Variants in PRSS3 observed in about 807,000 individuals in gnomAD.
PRSS3 encodes the protein trypsin-3.
A neutral mutation model predicts 20.8 loss-of-function variants in PRSS3; 14 were observed. The ratio of observed to expected loss-of-function variants is 0.67; its 90% CI spans 0.44 to 1.05. The LOEUF is 1.05. PRSS3 is among the 50% of genes least tolerant of loss of function. The pLI, the probability that PRSS3 is intolerant of heterozygous loss-of-function variation, is 0.00. For missense variants in PRSS3, 237 were observed against 306.4 expected, an observed-to-expected ratio of 0.77 and a Z score of 1.69; for synonymous variants, 91 against 117.6, an observed-to-expected ratio of 0.77 and a Z score of 1.46.
intron 1 of PRSS3, among the ~76,000 whole-genome samples, chr9:33,763,298 T>C (rs1823282532): frequency 6.6e-6 from 1 of 152,232 alleles, no homozygotes; most frequent in South Asian, 2.1e-4. Context: ...ATAATGTCTG[T>C]TTGATTTTAC....
At chr9:33,758,927 A>G (rs1336652492) in intron 1 of PRSS3, among the ~76,000 whole-genome samples, 1 of 152,184 alleles carries the variant, frequency 6.6e-6, no homozygotes, top group Non-Finnish European at 1.5e-5. Context: ...TCTGTAGACT[A>G]ATGGGCAAGA....
At chr9:33,771,645 G>GTTTTTTTT (rs112204565) in intron 1 of PRSS3, among the ~76,000 whole-genome samples, 9 of 78,694 alleles carry the variant, frequency 1.1e-4, no homozygotes, top group Non-Finnish European at 1.7e-4. Flanking sequence ...TTGTTTTTTT[G>GTTTTTTTT]TTTTTTTTTT....
chr9:33,791,846 A>G (rs1824645880), upstream of PRSS3, among the ~76,000 whole-genome samples: 1 of 152,232 alleles, frequency 6.6e-6, no homozygotes, highest in Admixed American at 6.5e-5. Flanking sequence ...AAGAATAAAC[A>G]GAACTATAAA....
At chr9:33,771,053 C>G (rs1479452573) in intron 1 of PRSS3, among the ~76,000 whole-genome samples, 2 of 152,108 alleles carry the variant, frequency 1.3e-5, no homozygotes, top group Non-Finnish European at 2.9e-5. Context: ...ACAGGACAGC[C>G]CCACAACAAA....
intron 1 of PRSS3, among the ~76,000 whole-genome samples, chr9:33,782,840 C>G (rs1824239897): frequency 6.6e-6 from 1 of 152,092 alleles, no homozygotes; most frequent in African/African-American, 2.4e-5. Context: ...ATCATCTACC[C>G]CATGAGCCAG....
chr9:33,751,345 C>G (rs1189174228), intron 1 of PRSS3, among the ~76,000 whole-genome samples: 3 of 152,294 alleles, frequency 2.0e-5, no homozygotes, highest in Admixed American at 2.0e-4. Flanking sequence ...CGATCCAGTG[C>G]TTAGCTTCCG....
chr9:33,774,969 A>G (rs1216889574), intron 1 of PRSS3, among the ~76,000 whole-genome samples: 2 of 152,032 alleles, frequency 1.3e-5, no homozygotes, highest in African/African-American at 4.8e-5. Flanking sequence ...CTGAGCAACA[A>G]GAGCGAAACT....
chr9:33,751,637 C>T (rs1283623702), intron 1 of PRSS3, among the ~76,000 whole-genome samples: 1 of 152,176 alleles, frequency 6.6e-6, no homozygotes, highest in Non-Finnish European at 1.5e-5. Flanking sequence ...CCTCCCGCAC[C>T]TTTTTGTCTC....
At chr9:33,772,472 C>G in intron 1 of PRSS3, among the ~76,000 whole-genome samples, 1 of 152,164 alleles carries the variant, frequency 6.6e-6, no homozygotes, top group Non-Finnish European at 1.5e-5. Flanking sequence ...TCAAGAATGA[C>G]CTAATGGCTT....
At chr9:33,785,220 C>A (rs1226774405) in intron 1 of PRSS3, among the ~76,000 whole-genome samples, 2 of 116,726 alleles carry the variant, frequency 1.7e-5, no homozygotes, top group Admixed American at 1.1e-4. Flanking sequence ...CTCTGTCGCC[C>A]AGGCTGGAGT....
In PRSS3 at chr9:33,750,697, G is replaced by A. The variant is rs1462018743; in HGVS notation, c.-83G>A. On this transcript the variant is annotated 5_prime_UTR_variant, in exon 1 of 6. Coordinates refer to the PRSS3 transcript ENST00000342836. The surrounding 1 kb of genome is among the most constrained non-coding windows in gnomAD (Gnocchi z 4.8). ...TGGACGCACTTGGCGAGCGGCGCGG[G>A]ATGCAGACGGCTGCGAGGCGCTGGG... 1.4e-6 allele frequency: 2 copies of A among 1,449,434 alleles called. No homozygotes were observed. Among genetic ancestry groups the A allele is most frequent in the Non-Finnish European group, 1.8e-6 (2 of 1,106,832 alleles). 89.8% of individuals were successfully genotyped at this position (1,449,434 alleles called of 1,614,324 possible). A position where few individuals can be genotyped will look rare whatever the true frequency, so the allele number is the denominator to read the frequency against.
chr9:33,794,554 C>T (rs1824806893), upstream of PRSS3, among the ~76,000 whole-genome samples: 1 of 152,228 alleles, frequency 6.6e-6, no homozygotes, highest in Non-Finnish European at 1.5e-5. Context: ...CACCCCTCCA[C>T]ATCTTCTTAT....
chr9:33,779,505 G>C (rs1008355653), intron 1 of PRSS3, among the ~76,000 whole-genome samples: 11 of 152,162 alleles, frequency 7.2e-5, no homozygotes, highest in Non-Finnish European at 1.5e-4. Context: ...GCTGAGGAAA[G>C]AATCTCAGAG....
chr9:33,799,083 G>A lies in PRSS3; in HGVS notation c.647G>A (p.Trp216Ter), dbSNP rs547248620. ...GGACAGCTCCAAGGAGTTGTCTCCTGGGGCCATGGCTGTGCCTGGAAGAAC... is the reference window on the plus strand; with the variant it reads ...GGACAGCTCCAAGGAGTTGTCTCCTAGGGCCATGGCTGTGCCTGGAAGAAC... ...CNGQLQGVVS[W>*]GHGCAWKNRP... The change falls in exon 5 of 5, where the codon TGG (tryptophan) becomes TAG (stop). Residue 216 changes from tryptophan to a stop codon, truncating the protein, a stop_gained. Coordinates refer to ENST00000379405, the MANE Select transcript of PRSS3 (RefSeq NM_002771.4). LOFTEE classifies it high-confidence loss of function. The A allele has an allele frequency of 6.2e-7, 1 of 1,614,176 alleles. No individual in the cohort carries two copies. The highest frequency in any genetic ancestry group is 2.2e-5 in the East Asian group (1 of 44,884).
At position 33,750,821 on chromosome 9, in the gene PRSS3, G is replaced by T; in HGVS notation, c.-53+94G>T. On this transcript the variant is annotated intron_variant, in intron 1 of 5. Coordinates refer to the PRSS3 transcript ENST00000342836. This position sits in a 1 kb window ranked among gnomAD's most constrained non-coding sequence, Gnocchi z 4.8. ...AGGAGCGGGGCTGTGATGGAGAGGG[G>T]GTTCCGACTCGCATGGGACCTGCGG... 1 of 1,399,158 alleles carries T rather than the reference G, an allele frequency of 7.1e-7. No individual in the cohort carries two copies. The highest frequency in any genetic ancestry group is 9.2e-7 in the Non-Finnish European group (1 of 1,083,212). 86.7% of individuals were successfully genotyped at this position (1,399,158 alleles called of 1,614,324 possible). A position where few individuals can be genotyped will look rare whatever the true frequency, so the allele number is the denominator to read the frequency against.
chr9:33,782,465 G>T (rs2119001799), intron 1 of PRSS3, among the ~76,000 whole-genome samples: 1 of 152,238 alleles, frequency 6.6e-6, no homozygotes, highest in Non-Finnish European at 1.5e-5. Context: ...ATGTTAAAAT[G>T]AGTACCTAAG....
intron 1 of PRSS3, chr9:33,786,728 G>A (rs563030670): frequency 2.6e-6 from 2 of 766,194 alleles, no homozygotes; most frequent in East Asian, 2.4e-5. Context: ...ATTTGTCATT[G>A]ACAAGTTTCC....
chr9:33,753,891 C>G (rs2118712225), intron 1 of PRSS3, among the ~76,000 whole-genome samples: 1 of 152,250 alleles, frequency 6.6e-6, no homozygotes, highest in Non-Finnish European at 1.5e-5. Context: ...GAAAGGGGTT[C>G]CGATATGAAC....
In PRSS3 at chr9:33,782,002, A is replaced by G. The variant is rs557637814; in HGVS notation, c.-52-12744A>G. On this transcript the variant is annotated intron_variant, in intron 1 of 5. Transcript: ENST00000342836. The stretch of plus-strand genomic sequence containing the variant: ...CCTGGCTGGTCACGCCCTTGTGCAT[A>G]TTTATATTGCCAGCTCAGGATCCTC... Among the ~76,000 whole-genome samples, 12 of 152,292 alleles carry G rather than the reference A, an allele frequency of 7.9e-5. No homozygotes were observed. The East Asian group carries it at 2.1e-3, about 27-fold the overall frequency.
Sources: gnomAD v4.1 joint callset for allele counts (sites outside exome capture counted in the v4.1 genomes callset) on GRCh38, gnomAD v4.1.1 for gene constraint, Gnocchi (gnomAD v3.1) non-coding constraint, MANE v1.5 for transcripts, NCBI Gene and HGNC (gene_info 2026-07-23, HGNC 2026-07-21) for gene names.